MSRA: variants seen among roughly 807,000 people sequenced by gnomAD.
MSRA encodes the protein mitochondrial peptide methionine sulfoxide reductase.
MSRA carries 54 observed loss-of-function variants against 31.3 expected under a neutral mutation model. The ratio of observed to expected loss-of-function variants is 1.73; its 90% CI spans 1.39 to 2.17. The LOEUF (loss-of-function observed/expected upper bound fraction) is 2.17. Ranked by LOEUF, MSRA falls within the 30% of genes most tolerant of loss-of-function variation. The pLI, the probability that MSRA is intolerant of heterozygous loss-of-function variation, is 0.00. For missense variants in MSRA, 507 were observed against 300.9 expected, an observed-to-expected ratio of 1.69 and a Z score of -5.07; for synonymous variants, 169 against 116.5, an observed-to-expected ratio of 1.45 and a Z score of -2.90.
intron 2 of MSRA, among the ~76,000 whole-genome samples, chr8:10,234,768 C>G (rs7844323): frequency 6.6e-6 from 1 of 151,334 alleles, no homozygotes; most frequent in Non-Finnish European, 1.5e-5. Flanking sequence ...TAAATGAATA[C>G]AAAAAAGGTA....
chr8:10,357,688 A>C (rs1024738872), intron 5 of MSRA, among the ~76,000 whole-genome samples: 1 of 152,188 alleles, frequency 6.6e-6, no homozygotes, highest in African/African-American at 2.4e-5. Context: ...ATCAGAAAAA[A>C]GTATTTCAAG....
chr8:10,373,201 T>A (rs904219031), intron 5 of MSRA, among the ~76,000 whole-genome samples: 3 of 152,256 alleles, frequency 2.0e-5, no homozygotes, highest in African/African-American at 7.2e-5. Context: ...GCTAAGTGAT[T>A]ATTTACCAGC....
intron 4 of MSRA, among the ~76,000 whole-genome samples, chr8:10,319,460 T>C (rs1801918732): frequency 6.6e-6 from 1 of 152,130 alleles, no homozygotes; most frequent in Non-Finnish European, 1.5e-5. Context: ...TACACAGACA[T>C]TGTCTCATTT....
intron 5 of MSRA, among the ~76,000 whole-genome samples, chr8:10,415,810 C>T (rs1208024220): frequency 6.6e-6 from 1 of 151,810 alleles, no homozygotes; most frequent in Non-Finnish European, 1.5e-5. Flanking sequence ...TGGAGCATGC[C>T]CTTCACACCC....
chr8:10,254,579 C>T (rs1460530605), intron 3 of MSRA, among the ~76,000 whole-genome samples: 1 of 152,194 alleles, frequency 6.6e-6, no homozygotes, highest in Non-Finnish European at 1.5e-5. Context: ...TGTCACAGTC[C>T]CATGAGATAG....
chr8:10,168,140 G>T (rs1805304527), intron 1 of MSRA, among the ~76,000 whole-genome samples: 1 of 152,170 alleles, frequency 6.6e-6, no homozygotes, highest in Admixed American at 6.5e-5. Context: ...GTAAAATGGA[G>T]ATAATAAAAG....
At chr8:10,238,739 A>AC (rs1412732573) in intron 2 of MSRA, among the ~76,000 whole-genome samples, 1 of 152,164 alleles carries the variant, frequency 6.6e-6, no homozygotes, top group East Asian at 1.9e-4. Context: ...TCCCCACCTC[A>AC]CCCCCTACAT....
intron 1 of MSRA, among the ~76,000 whole-genome samples, chr8:10,164,898 G>C (rs1279234334): frequency 6.6e-6 from 1 of 152,136 alleles, no homozygotes; most frequent in Non-Finnish European, 1.5e-5. Context: ...TGTTGTCGCA[G>C]ACGCCTGTAT....
At chr8:10,232,278 A>C (rs1811558920) in intron 2 of MSRA, among the ~76,000 whole-genome samples, 1 of 152,226 alleles carries the variant, frequency 6.6e-6, no homozygotes, top group Admixed American at 6.5e-5. Flanking sequence ...CCACTCTGAC[A>C]AGACAGACTG....
intron 5 of MSRA, among the ~76,000 whole-genome samples, chr8:10,395,216 G>A (rs1278486427): frequency 1.3e-5 from 2 of 152,142 alleles, no homozygotes; most frequent in Non-Finnish European, 2.9e-5. Context: ...TGAAAGATGT[G>A]TAGGGTTTTT....
chr8:10,075,915 G>A (rs1797972807), intron 1 of MSRA, among the ~76,000 whole-genome samples: 2 of 152,202 alleles, frequency 1.3e-5, no homozygotes, highest in South Asian at 4.1e-4. Flanking sequence ...GGAAATGAAT[G>A]CTTGCTTATT....
At chr8:10,419,971 C>T (rs1000496180) in intron 5 of MSRA, among the ~76,000 whole-genome samples, 2 of 152,116 alleles carry the variant, frequency 1.3e-5, no homozygotes, top group Non-Finnish European at 1.5e-5. Flanking sequence ...GCTGCTGATA[C>T]AACAGGCTGG....
rs912312400 is a variant in MSRA, at chr8:10,428,667, C to G, written c.*355C>G. On this transcript the variant is annotated 3_prime_UTR_variant, in exon 6 of 6. Coordinates refer to ENST00000317173, the MANE Select transcript of MSRA (RefSeq NM_012331.5). Reference sequence around the variant, plus strand: ...CCCAGAAGTCCTTTATCTGTGCTCTCTGCCCGCCAGTGCCTTACAATTTGC... The same window carrying G: ...CCCAGAAGTCCTTTATCTGTGCTCTGTGCCCGCCAGTGCCTTACAATTTGC... The G allele has an allele frequency of 1.5e-5, 4 of 268,762 alleles. No homozygotes were observed. The highest frequency in any genetic ancestry group is 2.1e-5 in the Non-Finnish European group (3 of 143,108). 16.6% of individuals were successfully genotyped at this position (268,762 alleles called of 1,614,324 possible).
chr8:10,404,869 A>G, intron 5 of MSRA, among the ~76,000 whole-genome samples: 1 of 152,024 alleles, frequency 6.6e-6, no homozygotes, highest in East Asian at 1.9e-4. Context: ...CATCCTCCCC[A>G]GTCTCCTTGC....
At chr8:10,102,643 T>C (rs1357999512) in intron 1 of MSRA, among the ~76,000 whole-genome samples, 1 of 152,246 alleles carries the variant, frequency 6.6e-6, no homozygotes, top group Non-Finnish European at 1.5e-5. Context: ...TTCCTGGTTC[T>C]TGGTATGATA....
At chr8:10,057,768 C>T (rs188648649) in intron 1 of MSRA, among the ~76,000 whole-genome samples, 1 of 152,316 alleles carries the variant, frequency 6.6e-6, no homozygotes, top group African/African-American at 2.4e-5. Context: ...TGCCAGCTTC[C>T]TCTTCTGCCA....
chr8:10,061,775 T>A (rs1022355343), intron 1 of MSRA, among the ~76,000 whole-genome samples: 7 of 152,150 alleles, frequency 4.6e-5, no homozygotes, highest in African/African-American at 1.4e-4. Context: ...TTTCCAGTAG[T>A]GGTGATAGAT....
intron 1 of MSRA, among the ~76,000 whole-genome samples, chr8:10,173,744 T>C (rs1286084914): frequency 6.6e-6 from 1 of 152,208 alleles, no homozygotes; most frequent in Non-Finnish European, 1.5e-5. Context: ...TGTCACTGTT[T>C]TCTTGTCACT....
At chr8:10,163,426 C>G (rs970500361) in intron 1 of MSRA, among the ~76,000 whole-genome samples, 40 of 152,304 alleles carry the variant, frequency 2.6e-4, no homozygotes, top group African/African-American at 8.9e-4. Flanking sequence ...ACTGGCGCAC[C>G]CACTGTTAAT....
Sources: gnomAD v4.1 joint callset for allele counts (sites outside exome capture counted in the v4.1 genomes callset) on GRCh38, gnomAD v4.1.1 for gene constraint, MANE v1.5 for transcripts, NCBI Gene and HGNC (gene_info 2026-07-23, HGNC 2026-07-21) for gene names.